TBC1D15: variants seen among roughly 807,000 people sequenced by gnomAD.
TBC1D15 encodes the protein TBC1 domain family member 15, also known as GAP for RAB7.
In TBC1D15, 39 loss-of-function variants were observed where a neutral mutation model predicts 95.4. The ratio of observed to expected loss-of-function variants is 0.41; its 90% CI spans 0.32 to 0.53. TBC1D15 has a LOEUF of 0.53. TBC1D15 is among the 20% of genes least tolerant of loss of function. TBC1D15 has a pLI of 0.29. For synonymous variants in TBC1D15, 258 were observed against 261.3 expected, an observed-to-expected ratio of 0.99 and a Z score of 0.12; for missense variants, 733 against 794.3, an observed-to-expected ratio of 0.92 and a Z score of 0.93.
rs531755548 is a variant in TBC1D15, at chr12:71,909,486, G to A, written c.1300+2348G>A. Among the ~76,000 whole-genome samples the A allele has an allele frequency of 2.0e-5, 3 of 152,276 alleles. No homozygotes were observed. In the South Asian group the frequency reaches 6.2e-4, roughly 32 times the overall value. On this transcript the variant is annotated intron_variant, in intron 11 of 16. Transcript: ENST00000485960. ...TTAGTGAATGCGGATACTACAGAAA[G>A]TTTCTGTGGGTGGTATCATTGCAGG...
At chr12:71,920,958 G>A (rs1286174056) in intron 15 of TBC1D15, 111 bp downstream of exon 15, 26 of 774,242 alleles carry the variant, frequency 3.4e-5, no homozygotes, top group Non-Finnish European at 2.1e-5. Context: ...AACTTAAATT[G>A]TGTCAATAAC....
chr12:71,871,616 A>G (rs1272673643), intron 1 of TBC1D15, among the ~76,000 whole-genome samples: 2 of 152,220 alleles, frequency 1.3e-5, no homozygotes, highest in African/African-American at 4.8e-5. Flanking sequence ...GAGTTCTTGC[A>G]GTATTGTCCA....
chr12:71,904,425 G>A (rs2138854659), intron 10 of TBC1D15, among the ~76,000 whole-genome samples: 1 of 152,270 alleles, frequency 6.6e-6, no homozygotes, highest in East Asian at 1.9e-4. Flanking sequence ...GAGAAAATGA[G>A]CTAGCAGAGG....
intron 3 of TBC1D15, among the ~76,000 whole-genome samples, chr12:71,878,275 T>C (rs1031655427): frequency 6.6e-6 from 1 of 152,202 alleles, no homozygotes; most frequent in African/African-American, 2.4e-5. Context: ...ATAAATGATG[T>C]TTTCCAAAAC....
intron 5 of TBC1D15, among the ~76,000 whole-genome samples, chr12:71,888,909 C>T (rs1038384831): frequency 7.6e-5 from 11 of 145,566 alleles, no homozygotes; most frequent in Non-Finnish European, 1.5e-4. Flanking sequence ...GTCTTAGATG[C>T]AGTAGTGCTA....
chr12:71,845,566 A>G (rs1886082650), intron 1 of TBC1D15, among the ~76,000 whole-genome samples: 1 of 152,242 alleles, frequency 6.6e-6, no homozygotes, highest in Non-Finnish European at 1.5e-5. Context: ...GATACCAAGT[A>G]GGTGCTTAGA....
chr12:71,872,926 T>A lies in TBC1D15; in HGVS notation c.130-3T>A. 1 of 1,597,656 alleles carries A rather than the reference T, an allele frequency of 6.3e-7. No individual in the cohort carries two copies. The highest frequency in any genetic ancestry group is 8.5e-7 in the Non-Finnish European group (1 of 1,171,382). Reference sequence around the variant, plus strand: ...AAATATAGTTCATAATTTCTTTCTCTAGGATGCCGAAGTAATAGTGGACTG... The same window carrying A: ...AAATATAGTTCATAATTTCTTTCTCAAGGATGCCGAAGTAATAGTGGACTG... On this transcript the variant is annotated splice_region_variant and splice_polypyrimidine_tract_variant and intron_variant, in intron 2 of 16. Transcript: ENST00000485960.
In TBC1D15 at chr12:71,880,503, C is replaced by G. The variant is rs1024942008; in HGVS notation, c.239C>G (p.Pro80Arg). The G allele has an allele frequency of 4.3e-6, 7 of 1,609,414 alleles. No homozygotes were observed. The highest frequency in any genetic ancestry group is 5.1e-6 in the Non-Finnish European group (6 of 1,177,340). Residue 80 changes from proline (P) to arginine (R), a missense_variant, in exon 4 of 17, where the codon CCA (proline) becomes CGA (arginine). Pro to Arg is a moderately radical substitution (Grantham distance 103). Transcript: ENST00000485960. ...TCAGTTGTAGAATGGACTCAGGCCCCAAAAGAAAGAGGTCATCGAGGATCA... is the reference window on the plus strand; with the variant it reads ...TCAGTTGTAGAATGGACTCAGGCCCGAAAAGAAAGAGGTCATCGAGGATCA... Reference protein sequence around the residue: ...SSSVVEWTQAPKERGHRGSEH... With the variant: ...SSSVVEWTQARKERGHRGSEH...
In TBC1D15 at chr12:71,923,743, G is replaced by A. The variant is rs1024949142; in HGVS notation, c.*539G>A. ...CATTTTCATCAATGCAGTCTAATGT[G>A]TAGATAAATATTTCAACCATAATAA... On this transcript the variant is annotated 3_prime_UTR_variant, in exon 17 of 17. Coordinates refer to ENST00000485960, the MANE Select transcript of TBC1D15 (RefSeq NM_001146213.3). 7 of 152,694 alleles carry A rather than the reference G, an allele frequency of 4.6e-5. No individual in the cohort carries two copies. The highest frequency in any genetic ancestry group is 1.4e-4 in the African/African-American group (6 of 41,436). 9.5% of individuals were successfully genotyped at this position (152,694 alleles called of 1,614,324 possible).
At chr12:71,867,346 T>C (rs73351253) in intron 1 of TBC1D15, among the ~76,000 whole-genome samples, 4,185 of 152,294 alleles carry the variant, frequency 0.027, 194 homozygotes, top group African/African-American at 0.094. Context: ...ATTGGTGACT[T>C]TACTGAAGAC....
At chr12:71,849,572 G>T in intron 1 of TBC1D15, 1 of 671,146 alleles carries the variant, frequency 1.5e-6, no homozygotes, top group South Asian at 1.5e-5. Context: ...TGTCCAGATT[G>T]ATGAAAATAA....
chr12:71,912,253 C>T (rs545357809), intron 11 of TBC1D15, among the ~76,000 whole-genome samples: 1 of 152,046 alleles, frequency 6.6e-6, no homozygotes, highest in East Asian at 1.9e-4. Context: ...AATTTAGATA[C>T]CTTGTTGTAT....
At chr12:71,861,534 G>A (rs1441802992) in intron 1 of TBC1D15, 14 of 1,484,306 alleles carry the variant, frequency 9.4e-6, no homozygotes, top group Middle Eastern at 1.8e-4. Context: ...TATTTCTGTG[G>A]TATGTTTTAA....
At chr12:71,899,482 G>C (rs1006520247) in intron 10 of TBC1D15, among the ~76,000 whole-genome samples, 8 of 152,112 alleles carry the variant, frequency 5.3e-5, no homozygotes, top group African/African-American at 1.7e-4. Context: ...TAGTTTTAAA[G>C]CATTCTTTTT....
intron 1 of TBC1D15, among the ~76,000 whole-genome samples, chr12:71,850,608 G>A (rs760853417): frequency 6.6e-6 from 1 of 151,830 alleles, no homozygotes; most frequent in Non-Finnish European, 1.5e-5. Context: ...GTGGGGTCTA[G>A]CTGTGTTGCC....
chr12:71,891,007 A>T (rs868472068), intron 5 of TBC1D15, among the ~76,000 whole-genome samples: 1 of 152,272 alleles, frequency 6.6e-6, no homozygotes, highest in African/African-American at 2.4e-5. Context: ...TAAAAAGCCA[A>T]ATTTGTTGTA....
At chr12:71,840,334 TG>T (rs1884645885) in intron 1 of TBC1D15, among the ~76,000 whole-genome samples, 1 of 152,196 alleles carries the variant, frequency 6.6e-6, no homozygotes, top group Admixed American at 6.5e-5. Flanking sequence ...ACCAAGCTGC[TG>T]AGTTGGTTGG....
intron 1 of TBC1D15, among the ~76,000 whole-genome samples, chr12:71,860,885 C>T (rs1890223975): frequency 6.6e-6 from 1 of 151,988 alleles, no homozygotes; most frequent in Non-Finnish European, 1.5e-5. Context: ...TATGTTTCTT[C>T]TACTAACTTG....
intron 11 of TBC1D15, among the ~76,000 whole-genome samples, chr12:71,910,818 C>T (rs1566063969): frequency 6.6e-6 from 1 of 152,118 alleles, no homozygotes; most frequent in Admixed American, 6.5e-5. Flanking sequence ...AAGGAAACTA[C>T]CATCAGAGTG....
Sources: gnomAD v4.1 joint callset for allele counts (sites outside exome capture counted in the v4.1 genomes callset) on GRCh38, gnomAD v4.1.1 for gene constraint, MANE v1.5 for transcripts, NCBI Gene and HGNC (gene_info 2026-07-23, HGNC 2026-07-21) for gene names.